Variants in HOMER2 observed in about 807,000 individuals in gnomAD.
HOMER2 encodes the protein homer scaffold protein 2.
Under a neutral mutation model 47.0 loss-of-function variants are expected in HOMER2, and 27 were observed. That is an observed-to-expected ratio of 0.57 (90% CI 0.42 to 0.79). HOMER2 has a LOEUF of 0.79. HOMER2 is among the 30% of genes least tolerant of loss of function. HOMER2 has a pLI of 0.00. For missense variants in HOMER2, 443 were observed against 435.0 expected (o/e 1.02, Z -0.16); for synonymous variants, 161 against 163.8 (o/e 0.98, Z 0.13).
intron 1 of HOMER2, among the ~76,000 whole-genome samples, chr15:82,922,702 C>G (rs1043809424): frequency 6.6e-6 from 1 of 152,120 alleles, no homozygotes; most frequent in Non-Finnish European, 1.5e-5. Flanking sequence ...CACAGGTGTC[C>G]GCCTGTCCAG....
intron 1 of HOMER2, among the ~76,000 whole-genome samples, chr15:82,975,402 T>C (rs1366308666): frequency 1.3e-5 from 2 of 152,222 alleles, no homozygotes; most frequent in African/African-American, 2.4e-5. Flanking sequence ...CAGAGATATC[T>C]ACACTCTCAT....
At position 82,849,037 on chromosome 15, in the gene HOMER2, G is replaced by A. The variant is rs1306906729; in HGVS notation, c.*678C>T. 6.6e-6 allele frequency: 1 copy of A among 151,192 alleles called. No homozygotes were observed. Among genetic ancestry groups the A allele is most frequent in the Non-Finnish European group, 1.5e-5 (1 of 67,868 alleles). The allele number at this position is 151,192 out of a possible 1,614,324, so 9.4% of individuals were successfully genotyped here. The stretch of plus-strand genomic sequence containing the variant: ...TACTTTGTGCCAGACATTGTGCTAG[G>A]CACCCTCACTGTGTGCTGTTCCCAC... On this transcript the variant is annotated 3_prime_UTR_variant, in exon 9 of 9. Coordinates refer to ENST00000450735, the MANE Select transcript of HOMER2 (RefSeq NM_004839.4).
exon 2 of HOMER2, chr15:82,843,206 C>CCAAGG (rs1381769526): frequency 6.6e-6 from 1 of 152,076 alleles, no homozygotes; most frequent in Non-Finnish European, 1.5e-5. Flanking sequence ...CTTTGGGAGG[C>CCAAGG]CAAGGCGTGT....
chr15:82,971,973 T>C (rs1359452719), intron 1 of HOMER2, among the ~76,000 whole-genome samples: 1 of 152,150 alleles, frequency 6.6e-6, no homozygotes, highest in Non-Finnish European at 1.5e-5. Flanking sequence ...TATCCTGGGG[T>C]TTCAACCAAG....
intron 5 of HOMER2, among the ~76,000 whole-genome samples, chr15:82,858,353 A>C (rs2051657426): frequency 6.6e-6 from 1 of 151,824 alleles, no homozygotes; most frequent in South Asian, 2.1e-4. Context: ...GTGGTGGTGC[A>C]ATCTCAGCTC....
intron 1 of HOMER2, among the ~76,000 whole-genome samples, chr15:82,980,338 T>C (rs1290308677): frequency 6.6e-6 from 1 of 152,130 alleles, no homozygotes; most frequent in Non-Finnish European, 1.5e-5. Flanking sequence ...ACCAGGCAAC[T>C]AGGGACCATC....
At chr15:82,982,782 T>C (rs1182642781) in intron 1 of HOMER2, among the ~76,000 whole-genome samples, 1 of 152,202 alleles carries the variant, frequency 6.6e-6, no homozygotes. Context: ...CCAAATATCC[T>C]TCTTGATTCC....
At chr15:82,959,595 T>G (rs1425855528) in intron 1 of HOMER2, among the ~76,000 whole-genome samples, 1 of 152,218 alleles carries the variant, frequency 6.6e-6, no homozygotes, top group Non-Finnish European at 1.5e-5. Context: ...TTAAAATCAC[T>G]TCTGGAGACT....
chr15:82,948,853 T>A (rs549611334), intron 1 of HOMER2, among the ~76,000 whole-genome samples: 1 of 152,290 alleles, frequency 6.6e-6, no homozygotes, highest in South Asian at 2.1e-4. Context: ...GGGAATGACA[T>A]GATCTGATTT....
chr15:82,852,542 C>T (rs995183524), intron 6 of HOMER2: 4 of 328,252 alleles, frequency 1.2e-5, no homozygotes, highest in African/African-American at 8.6e-5. Context: ...TTCTGGTTTC[C>T]TCTCATGGCC....
At chr15:82,935,619 C>G (rs2054125314) in intron 1 of HOMER2, among the ~76,000 whole-genome samples, 1 of 152,190 alleles carries the variant, frequency 6.6e-6, no homozygotes. Flanking sequence ...TCCCACACCC[C>G]CATCCTAACT....
intron 1 of HOMER2, among the ~76,000 whole-genome samples, chr15:82,972,141 G>A (rs1418125691): frequency 6.6e-6 from 1 of 152,096 alleles, no homozygotes; most frequent in Non-Finnish European, 1.5e-5. Flanking sequence ...CCCCTATGTA[G>A]TTTCAGAATG....
chr15:82,943,009 G>T (rs2054298060), intron 1 of HOMER2, among the ~76,000 whole-genome samples: 1 of 152,162 alleles, frequency 6.6e-6, no homozygotes, highest in African/African-American at 2.4e-5. Flanking sequence ...GGGGATTAAG[G>T]ATGAGGGAAT....
At chr15:82,931,873 C>T (rs1243837898) in intron 1 of HOMER2, among the ~76,000 whole-genome samples, 1 of 152,162 alleles carries the variant, frequency 6.6e-6, no homozygotes, top group East Asian at 1.9e-4. Context: ...ACAAAACTGA[C>T]AGAAGAAAAA....
chr15:82,864,327 T>C (rs1596310048), intron 3 of HOMER2, 68 bp from the exon 4 acceptor site: 1 of 1,023,250 alleles, frequency 9.8e-7, no homozygotes, highest in South Asian at 1.5e-5. Context: ...AGAACCCACC[T>C]TTATTTATTT....
intron 3 of HOMER2, among the ~76,000 whole-genome samples, chr15:82,868,558 T>C (rs113676344): frequency 6.2e-4 from 78 of 124,864 alleles, no homozygotes; most frequent in African/African-American, 1.9e-3. Context: ...TTTTTTTTTT[T>C]CCCCTTTTGA....
Position 82,913,383 on chromosome 15 carries a change from G to C in HOMER2, c.6-20542C>G, listed in dbSNP as rs922426610. 1.3e-5 allele frequency among the ~76,000 whole-genome samples: 2 copies of C among 152,028 alleles called. No individual in the cohort carries two copies. The highest frequency in any genetic ancestry group is 2.9e-5 in the Non-Finnish European group (2 of 68,018). ...CTTGAAGAAGCCTGAGCTACACGGA[G>C]AGGGTAGCTCCAGATCCTTCTAGAA... On this transcript the variant is annotated intron_variant, in intron 1 of 8. Coordinates refer to ENST00000450735, the MANE Select transcript of HOMER2 (RefSeq NM_004839.4). This position sits in a 1 kb window ranked among gnomAD's most constrained non-coding sequence, Gnocchi z 4.1.
In HOMER2 at chr15:82,849,848, T is replaced by C. The variant is rs772819275; in HGVS notation, c.899A>G (p.Asp300Gly). The change falls in exon 9 of 9, where the codon GAC becomes GGC. Residue 300 changes from aspartate (D) to glycine (G), a missense_variant. Asp to Gly is a moderately conservative substitution (Grantham distance 94). Transcript: ENST00000450735. ...CTGTCGGTATTTGCTCTCCTCAATG[T>C]CTGTCTTTAAGGAACGCACTTTGTC... Reference protein sequence around the residue: ...LEDKVRSLKTDIEESKYRQRH... With the variant: ...LEDKVRSLKTGIEESKYRQRH... 6.2e-7 allele frequency: 1 copy of C among 1,614,004 alleles called. No individual in the cohort carries two copies. Among genetic ancestry groups the C allele is most frequent in the South Asian group, 1.1e-5 (1 of 91,076 alleles).
intron 2 of HOMER2, among the ~76,000 whole-genome samples, chr15:82,880,932 G>C (rs1268356029): frequency 6.6e-6 from 1 of 152,196 alleles, no homozygotes; most frequent in Non-Finnish European, 1.5e-5. Context: ...CCAAGGGTGA[G>C]TGTGTGAAGG....
Sources: allele counts gnomAD v4.1 joint callset (sites outside exome capture counted in the v4.1 genomes callset), GRCh38; gene constraint gnomAD v4.1.1; non-coding constraint Gnocchi (gnomAD v3.1); transcripts MANE v1.5; gene names NCBI Gene and HGNC (gene_info 2026-07-23, HGNC 2026-07-21).